The following ZRANB1 variants were observed in gnomAD, a reference collection of about 807,000 sequenced individuals.
ZRANB1 encodes the protein zinc finger RANBP2-type containing 1.
In ZRANB1, 16 loss-of-function variants were observed where a neutral mutation model predicts 80.5. The observed-to-expected ratio is 0.20, with a 90% CI of 0.13 to 0.30. ZRANB1 has a LOEUF of 0.30. Among genes scored for constraint, ZRANB1 ranks in the 10% least tolerant of loss-of-function variants. ZRANB1 has a pLI of 1.00. For missense variants in ZRANB1, 576 were observed against 862.6 expected (o/e 0.67, Z 4.16); for synonymous variants, 291 against 293.1 (o/e 0.99, Z 0.07).
chr10:124,955,533 A>G (rs553356153), intron 1 of ZRANB1, among the ~76,000 whole-genome samples: 31 of 152,068 alleles, frequency 2.0e-4, no homozygotes, highest in Non-Finnish European at 3.8e-4. Flanking sequence ...TTTGCGTGAT[A>G]CTCTTAAGTG....
intron 1 of ZRANB1, among the ~76,000 whole-genome samples, chr10:124,943,613 C>T (rs914246016): frequency 5.3e-5 from 8 of 152,120 alleles, no homozygotes; most frequent in African/African-American, 1.9e-4. Context: ...TTCAAGTATG[C>T]ATACATAAAA....
chr10:124,922,327 T>TAAA, the ZRANB1 span, among the ~76,000 whole-genome samples: 299 of 22,524 alleles, frequency 0.013, 9 homozygotes, highest in African/African-American at 0.016. Flanking sequence ...AAAATATATG[T>TAAA]ATATATATAT....
intron 1 of ZRANB1, among the ~76,000 whole-genome samples, chr10:124,947,805 A>G (rs1951597426): frequency 6.6e-6 from 1 of 152,162 alleles, no homozygotes; most frequent in South Asian, 2.1e-4. Context: ...CCTTCAAAAT[A>G]TATCTGTACT....
chr10:124,976,537 CAGT>C (rs1951877151), intron 5 of ZRANB1, among the ~76,000 whole-genome samples: 1 of 150,460 alleles, frequency 6.6e-6, no homozygotes, highest in South Asian at 2.1e-4. Flanking sequence ...AAAAGGCAGC[CAGT>C]AATCTTTTCT....
chr10:124,963,133 G>A (rs960986092), intron 1 of ZRANB1, among the ~76,000 whole-genome samples: 1 of 151,994 alleles, frequency 6.6e-6, no homozygotes, highest in Non-Finnish European at 1.5e-5. Context: ...AGGTGTGGTG[G>A]TGTGCGCCAG....
At chr10:124,970,354 T>TC (rs1220612255) in intron 2 of ZRANB1, among the ~76,000 whole-genome samples, 1 of 152,186 alleles carries the variant, frequency 6.6e-6, no homozygotes, top group Non-Finnish European at 1.5e-5. Context: ...CCTCCCTGGC[T>TC]CAAGTGATCC....
intron 1 of ZRANB1, among the ~76,000 whole-genome samples, chr10:124,963,806 T>C (rs76180849): frequency 0.024 from 3,613 of 152,302 alleles, 144 homozygotes; most frequent in African/African-American, 0.083. Flanking sequence ...TCATGAAATT[T>C]GATTTGTAAT....
chr10:124,959,275 A>C (rs1001275006), intron 1 of ZRANB1, among the ~76,000 whole-genome samples: 1 of 152,144 alleles, frequency 6.6e-6, no homozygotes, highest in Non-Finnish European at 1.5e-5. Flanking sequence ...TTTATGTGTT[A>C]AAAATCCAGG....
At chr10:124,981,124 C>G (rs929229647) in intron 5 of ZRANB1, among the ~76,000 whole-genome samples, 7 of 152,128 alleles carry the variant, frequency 4.6e-5, no homozygotes, top group African/African-American at 1.7e-4. Context: ...ATTTGATAGA[C>G]AAAGAATCGA....
Position 124,943,130 on chromosome 10 carries a change from C to G in ZRANB1, c.637C>G (p.Gln213Glu). The change falls in exon 1 of 9, where the codon CAA becomes GAA. Residue 213 changes from glutamine (Q) to glutamate (E), a missense_variant. Transcript: ENST00000359653. Reference protein sequence around the residue: ...WRGSCSSGNSQRRSPPATKRD... With the variant: ...WRGSCSSGNSERRSPPATKRD... ...GGGAAGTTGCAGTAGTGGTAATAGC[C>G]AAAGGAGATCACCTCCTGCTACGAA... 1 of 1,614,134 alleles carries G rather than the reference C, an allele frequency of 6.2e-7. No individual in the cohort carries two copies. Among genetic ancestry groups the G allele is most frequent in the Non-Finnish European group, 8.5e-7 (1 of 1,180,022 alleles).
At chr10:124,921,186 T>C in the ZRANB1 span, among the ~76,000 whole-genome samples, 1 of 152,222 alleles carries the variant, frequency 6.6e-6, no homozygotes, top group African/African-American at 2.4e-5. Flanking sequence ...CTGGGGCAGT[T>C]ACTTGGGTCT....
chr10:124,947,179 T>A (rs1337130103), intron 1 of ZRANB1, among the ~76,000 whole-genome samples: 2 of 152,176 alleles, frequency 1.3e-5, no homozygotes, highest in Admixed American at 1.3e-4. Flanking sequence ...GGGACAGCTG[T>A]GCCAAAACCT....
intron 3 of ZRANB1, among the ~76,000 whole-genome samples, chr10:124,973,171 G>A (rs1343318280): frequency 6.6e-6 from 1 of 151,920 alleles, no homozygotes; most frequent in Non-Finnish European, 1.5e-5. Context: ...TTTATTTTTT[G>A]AGACAGGGTC....
Position 124,983,317 on chromosome 10 carries a change from T to G in ZRANB1, c.1678+13T>G. ...ACTCGGTTTCAAGGTAAGCCATTAT[T>G]CAGGAACGTTTTACAAGTTTCTTTG... is the stretch of plus-strand genomic sequence containing the variant. On this transcript the variant is annotated intron_variant, in intron 7 of 8. Transcript: ENST00000359653. The surrounding 1 kb of genome is among the most constrained non-coding windows in gnomAD (Gnocchi z 6.2). 1 of 1,612,888 alleles carries G rather than the reference T, an allele frequency of 6.2e-7. No individual in the cohort carries two copies. Among genetic ancestry groups the G allele is most frequent in the Non-Finnish European group, 8.5e-7 (1 of 1,179,420 alleles).
intron 5 of ZRANB1, among the ~76,000 whole-genome samples, chr10:124,981,182 G>C (rs1951929383): frequency 6.6e-6 from 1 of 152,132 alleles, no homozygotes; most frequent in Admixed American, 6.5e-5. Context: ...AATGTTTTCT[G>C]TCATTGCAGT....
At chr10:124,928,175 G>A in the ZRANB1 span, among the ~76,000 whole-genome samples, 1 of 152,206 alleles carries the variant, frequency 6.6e-6, no homozygotes, top group Admixed American at 6.5e-5. Context: ...ATATAAAACG[G>A]GGTAAGAAGG....
chr10:124,979,069 T>G (rs1331112537), intron 5 of ZRANB1, among the ~76,000 whole-genome samples: 1 of 152,146 alleles, frequency 6.6e-6, no homozygotes, highest in Non-Finnish European at 1.5e-5. Flanking sequence ...CTACTTCACA[T>G]GCACATAAAT....
chr10:124,972,974 C>T (rs899624138), intron 3 of ZRANB1, among the ~76,000 whole-genome samples: 4 of 151,818 alleles, frequency 2.6e-5, no homozygotes, highest in Non-Finnish European at 5.9e-5. Context: ...GATGGAGTCT[C>T]GCAGTATTAC....
At chr10:124,984,524 A>G (rs554432279) in intron 8 of ZRANB1, 29 of 441,910 alleles carry the variant, frequency 6.6e-5, no homozygotes, top group African/African-American at 4.6e-4. Flanking sequence ...ATTTTATCTA[A>G]CAAATTACCC....
Sources: allele counts gnomAD v4.1 joint callset (sites outside exome capture counted in the v4.1 genomes callset), GRCh38; gene constraint gnomAD v4.1.1; non-coding constraint Gnocchi (gnomAD v3.1); transcripts MANE v1.5; gene names NCBI Gene and HGNC (gene_info 2026-07-23, HGNC 2026-07-21).